The following LRRC49 variants were observed in gnomAD, a reference collection of about 807,000 sequenced individuals.
The protein encoded by LRRC49 is leucine rich repeat containing 49.
In LRRC49, 50 loss-of-function variants were observed where a neutral mutation model predicts 83.3. The ratio of observed to expected loss-of-function variants is 0.60; its 90% CI spans 0.48 to 0.76. The LOEUF (loss-of-function observed/expected upper bound fraction) is 0.76. Ranked by LOEUF, LRRC49 falls within the 30% of genes least tolerant of loss-of-function variation. The probability of loss-of-function intolerance (pLI) is 0.00; values close to 1 mark genes in which losing one functional copy is unlikely to be tolerated. For synonymous variants in LRRC49, 286 were observed against 283.3 expected, an observed-to-expected ratio of 1.01 and a Z score of -0.10; for missense variants, 704 against 809.1, an observed-to-expected ratio of 0.87 and a Z score of 1.58.
rs768782974 is a variant in LRRC49, at chr15:71,049,626, T to TGA, written c.*14_*15insGA. The TGA allele has an allele frequency of 6.3e-7, 1 of 1,575,502 alleles. No homozygotes were observed. Among genetic ancestry groups the TGA allele is most frequent in the Non-Finnish European group, 8.6e-7 (1 of 1,156,168 alleles). ...GACCAAAAATAAAAATGGCCTTTAG[T>TGA]TACAGTTGATTTTGGCAGTTTTATT... On this transcript the variant is annotated 3_prime_UTR_variant, in exon 16 of 16. Transcript: ENST00000260382.
chr15:71,025,145 C>T (rs1296302773), intron 14 of LRRC49, among the ~76,000 whole-genome samples: 1 of 152,210 alleles, frequency 6.6e-6, no homozygotes, highest in Non-Finnish European at 1.5e-5. Context: ...TCCAGGAGAA[C>T]TTCCCGTACC....
At chr15:70,971,669 G>A (rs547491232) in intron 9 of LRRC49, among the ~76,000 whole-genome samples, 38 of 152,182 alleles carry the variant, frequency 2.5e-4, no homozygotes, top group Admixed American at 2.3e-3. Context: ...GGGTGCATAT[G>A]TATTTAGGAT....
intron 13 of LRRC49, 23 bp from the exon 14 acceptor site, chr15:71,012,781 C>T (rs2038696058): frequency 2.9e-6 from 4 of 1,368,092 alleles, no homozygotes; most frequent in African/African-American, 2.9e-5. Flanking sequence ...ATTTTTTTAC[C>T]CCTTTCTATT....
At chr15:71,028,386 T>C (rs2039242296) in intron 14 of LRRC49, among the ~76,000 whole-genome samples, 1 of 152,094 alleles carries the variant, frequency 6.6e-6, no homozygotes, top group Non-Finnish European at 1.5e-5. Context: ...TGTTCATCAT[T>C]GATATTGGCC....
intron 15 of LRRC49, among the ~76,000 whole-genome samples, chr15:71,040,835 A>AAAAGGAT (rs1400799706): frequency 1.3e-5 from 2 of 151,692 alleles, no homozygotes; most frequent in East Asian, 3.9e-4. Context: ...AAAAAAAAAA[A>AAAAGGAT]AAAAGGATTC....
intron 2 of LRRC49, among the ~76,000 whole-genome samples, chr15:70,880,144 C>T (rs948829622): frequency 1.3e-5 from 2 of 152,260 alleles, no homozygotes; most frequent in East Asian, 3.9e-4. Flanking sequence ...CAGATCATTG[C>T]GTGGTCACTC....
intron 10 of LRRC49, among the ~76,000 whole-genome samples, chr15:70,981,780 C>A (rs2037408632): frequency 6.6e-6 from 1 of 151,948 alleles, no homozygotes; most frequent in Non-Finnish European, 1.5e-5. Context: ...CTATTAGAAA[C>A]ATAATTGTCG....
chr15:70,976,071 T>A (rs1006383301), intron 9 of LRRC49, among the ~76,000 whole-genome samples: 7 of 152,218 alleles, frequency 4.6e-5, no homozygotes, highest in African/African-American at 1.7e-4. Context: ...GCCACTACAT[T>A]GAAGACAGGT....
At chr15:70,908,739 C>T (rs1182102693) in intron 5 of LRRC49, 2 of 152,338 alleles carry the variant, frequency 1.3e-5, no homozygotes, top group Non-Finnish European at 2.9e-5. Context: ...AGAATTCAGG[C>T]CCCTAACATA....
chr15:70,891,895 ACCTGGGGCAG>A (rs767806291), upstream of LRRC49: 22 of 1,612,830 alleles, frequency 1.4e-5, no homozygotes, highest in Non-Finnish European at 1.7e-6. Flanking sequence ...AGGAGACTGG[ACCTGGGGCAG>A]CCTCAGAATG....
Position 70,919,035 on chromosome 15 carries a change from T to C in LRRC49, c.568-15T>C, listed in dbSNP as rs1433993408. On this transcript the variant is annotated splice_polypyrimidine_tract_variant and intron_variant, in intron 6 of 15. Coordinates refer to ENST00000260382, the MANE Select transcript of LRRC49 (RefSeq NM_017691.5). ...TTTTGCCTGCTAATCACCCTTCTCC[T>C]ATTTTCTTTAACAGATTACCAAAAT... The C allele has an allele frequency of 6.2e-7, 1 of 1,603,418 alleles. No individual in the cohort carries two copies. The highest frequency in any genetic ancestry group is 1.7e-5 in the Admixed American group (1 of 59,102).
chr15:70,912,668 T>A (rs1026752625), intron 6 of LRRC49, among the ~76,000 whole-genome samples: 1 of 151,310 alleles, frequency 6.6e-6, no homozygotes, highest in African/African-American at 2.4e-5. Context: ...ATATTTATTT[T>A]ATTTATTTAT....
chr15:70,987,536 A>G (rs1292531928), intron 11 of LRRC49, among the ~76,000 whole-genome samples: 2 of 151,256 alleles, frequency 1.3e-5, no homozygotes, highest in African/African-American at 2.4e-5. Context: ...TTTCTTCTTT[A>G]TTAGTCTTGC....
chr15:71,012,828 G>A lies in LRRC49; in HGVS notation c.1618G>A (p.Ala540Thr), dbSNP rs2038698494. ...TEVTQNDMIM[A>T]ERLFGILAHV... Reference sequence around the variant, plus strand: ...GGTGACACAGAATGATATGATAATGGCTGAAAGGCTCTTTGGAATCCTAGC... The same window carrying A: ...GGTGACACAGAATGATATGATAATGACTGAAAGGCTCTTTGGAATCCTAGC... Residue 540 changes from alanine to threonine, a missense_variant, in exon 14 of 16, where the codon GCT (alanine) becomes ACT (threonine). Physicochemically the swap from Ala to Thr is moderately conservative, Grantham distance 58. Transcript: ENST00000260382. 6.2e-7 allele frequency: 1 copy of A among 1,612,012 alleles called. No homozygotes were observed. The highest frequency in any genetic ancestry group is 1.3e-5 in the African/African-American group (1 of 74,798).
At chr15:70,995,857 C>A (rs955777348) in intron 11 of LRRC49, among the ~76,000 whole-genome samples, 1 of 152,244 alleles carries the variant, frequency 6.6e-6, no homozygotes, top group Non-Finnish European at 1.5e-5. Flanking sequence ...GTGCCTTATG[C>A]TTACTGCCAA....
intron 14 of LRRC49, among the ~76,000 whole-genome samples, chr15:71,022,311 T>G (rs906229911): frequency 6.6e-5 from 10 of 152,242 alleles, no homozygotes; most frequent in Admixed American, 5.9e-4. Context: ...AGGCAGAGGT[T>G]GCAGTGAGTT....
intron 14 of LRRC49, among the ~76,000 whole-genome samples, chr15:71,022,034 T>A (rs1435740597): frequency 6.6e-6 from 1 of 152,160 alleles, no homozygotes; most frequent in African/African-American, 2.4e-5. Context: ...ATGTAATGAA[T>A]CCACCTCAAT....
intron 8 of LRRC49, among the ~76,000 whole-genome samples, chr15:70,944,020 T>C (rs2119538): frequency 0.96 from 146,408 of 152,248 alleles, 70,550 homozygotes; most frequent in East Asian, 1. Context: ...TTTGTGTATC[T>C]GAGGCAGACT....
Position 71,051,644 on chromosome 15 carries a change from T to C in LRRC49, c.*2032T>C, listed in dbSNP as rs1000490818. 6 of 152,266 alleles carry C rather than the reference T, an allele frequency of 3.9e-5. No homozygotes were observed. The highest frequency in any genetic ancestry group is 9.7e-5 in the African/African-American group (4 of 41,444). 9.4% of individuals were successfully genotyped at this position (152,266 alleles called of 1,614,324 possible). On this transcript the variant is annotated 3_prime_UTR_variant, in exon 16 of 16. Coordinates refer to ENST00000260382, the MANE Select transcript of LRRC49 (RefSeq NM_017691.5). ...TTGCAGATGAATGGACCTAGCTGTT[T>C]AGTAATCTGTCCAGCTTCCTGCATG...
Sources: allele counts gnomAD v4.1 joint callset (sites outside exome capture counted in the v4.1 genomes callset), GRCh38; gene constraint gnomAD v4.1.1; transcripts MANE v1.5; gene names NCBI Gene and HGNC (gene_info 2026-07-23, HGNC 2026-07-21).